TRIM37: variants seen among roughly 807,000 people sequenced by gnomAD.
TRIM37 encodes the protein tripartite motif containing 37.
TRIM37 carries 80 observed loss-of-function variants against 129.8 expected under a neutral mutation model. The ratio of observed to expected loss-of-function variants is 0.62; its 90% CI spans 0.51 to 0.74. TRIM37 has a LOEUF of 0.74. TRIM37 is among the 30% of genes least tolerant of loss of function. The pLI is 0.00. For synonymous variants in TRIM37, 389 were observed against 387.1 expected (o/e 1.00, Z -0.06); for missense variants, 1,054 against 1,176.5 (o/e 0.90, Z 1.52).
intron 13 of TRIM37, 136 bp from the exon 14 acceptor site, chr17:59,051,464 T>C (rs2040339504): frequency 4.3e-6 from 3 of 691,968 alleles, no homozygotes; most frequent in Non-Finnish European, 7.9e-6. Context: ...TAGTATTTGT[T>C]GTTTATAGAT....
At chr17:59,055,973 C>T (rs1195741189) in intron 13 of TRIM37, among the ~76,000 whole-genome samples, 1 of 152,152 alleles carries the variant, frequency 6.6e-6, no homozygotes, top group Non-Finnish European at 1.5e-5. Flanking sequence ...CGTCAACTTT[C>T]ATCTTGACTC....
intron 18 of TRIM37, among the ~76,000 whole-genome samples, chr17:59,030,120 T>A (rs889564694): frequency 2.3e-4 from 35 of 152,234 alleles, no homozygotes; most frequent in African/African-American, 2.4e-5. Flanking sequence ...AGTTCATTTT[T>A]TTTTTTCATG....
chr17:59,034,625 G>A (rs1408925631), intron 17 of TRIM37, among the ~76,000 whole-genome samples: 2 of 152,054 alleles, frequency 1.3e-5, no homozygotes, highest in East Asian at 3.9e-4. Context: ...CTCCGAAAGT[G>A]CTGGGATTAC....
chr17:59,046,303 G>A (rs1261541367), intron 16 of TRIM37, among the ~76,000 whole-genome samples: 4 of 152,096 alleles, frequency 2.6e-5, no homozygotes. Context: ...AAGAAACCTG[G>A]CGGATGCTAC....
intron 22 of TRIM37, among the ~76,000 whole-genome samples, chr17:59,002,364 A>AG (rs1312224531): frequency 1.3e-5 from 2 of 152,116 alleles, no homozygotes; most frequent in African/African-American, 2.4e-5. Context: ...CCTCCCAAGT[A>AG]GATAGGTCCA....
intron 11 of TRIM37, among the ~76,000 whole-genome samples, chr17:59,061,840 G>A (rs921533361): frequency 6.6e-6 from 1 of 151,934 alleles, no homozygotes; most frequent in Non-Finnish European, 1.5e-5. Context: ...TGACTACAGA[G>A]AGGTACAAGT....
In TRIM37 at chr17:59,084,107, A is replaced by C; in HGVS notation, c.282-18T>G. 1 of 1,584,470 alleles carries C rather than the reference A, an allele frequency of 6.3e-7. No homozygotes were observed. The highest frequency in any genetic ancestry group is 8.7e-7 in the Non-Finnish European group (1 of 1,154,768). On this transcript the variant is annotated intron_variant, in intron 4 of 23. Transcript: ENST00000262294. ...TTTCACATCTATACATTATGAAAAGAAAATGAAGTTATAAATTAAATTGGA... is the reference window on the plus strand; with the variant it reads ...TTTCACATCTATACATTATGAAAAGCAAATGAAGTTATAAATTAAATTGGA...
intron 17 of TRIM37, among the ~76,000 whole-genome samples, chr17:59,032,397 CG>C (rs1469594909): frequency 6.6e-6 from 1 of 151,036 alleles, no homozygotes; most frequent in Non-Finnish European, 1.5e-5. Context: ...CGGTGGCGGG[CG>C]CCTGTAGTCC....
chr17:59,032,231 A>G, intron 17 of TRIM37, 141 bp from the exon 18 acceptor site: 1 of 1,005,286 alleles, frequency 9.9e-7, no homozygotes, highest in Non-Finnish European at 1.5e-6. Context: ...AAGAAGCAGA[A>G]AGAAGGAACC....
chr17:59,088,620 G>A (rs768185656), intron 3 of TRIM37, among the ~76,000 whole-genome samples: 1 of 151,584 alleles, frequency 6.6e-6, no homozygotes, highest in Non-Finnish European at 1.5e-5. Context: ...AGGCTCAAGC[G>A]ATCCTCCTGC....
rs540442869 is a variant in TRIM37, at chr17:59,007,099, C to T, written c.2695+5229G>A. 4.0e-4 allele frequency among the ~76,000 whole-genome samples: 61 copies of T among 150,684 alleles called. 1 individual carries two copies. In the South Asian group the frequency reaches 6.4e-3, roughly 16 times the overall value. On this transcript the variant is annotated intron_variant, in intron 22 of 23. Transcript: ENST00000262294. ...AAACATCTTACCGCCCTGAGAAGAG[C>T]TAAGCCTCTCACTCAGAATAGCAGG...
rs755908500 is a variant in TRIM37 at position 59,075,729 on chromosome 17, TGA to T, written c.617-17_617-16del. 1 of 1,585,554 alleles carries T rather than the reference TGA, an allele frequency of 6.3e-7. No individual in the cohort carries two copies. Among genetic ancestry groups the T allele is most frequent in the Admixed American group, 1.7e-5 (1 of 59,960 alleles). On this transcript the variant is annotated splice_polypyrimidine_tract_variant and intron_variant, in intron 7 of 23. Coordinates refer to ENST00000262294, the MANE Select transcript of TRIM37 (RefSeq NM_015294.6). ...TGTCTTCTGACCTGATGAAAAATAG[TGA>T]ATCATCAACACTTGGGTTCATTATT... is the stretch of plus-strand genomic sequence containing the variant.
downstream of TRIM37, among the ~76,000 whole-genome samples, chr17:58,995,960 C>T (rs576609137): frequency 2.3e-4 from 35 of 151,804 alleles, no homozygotes; most frequent in Non-Finnish European, 4.3e-4. Flanking sequence ...GAGCCAACAT[C>T]GCACCACTAC....
At chr17:59,009,113 C>T (rs2034914352) in intron 22 of TRIM37, among the ~76,000 whole-genome samples, 1 of 152,026 alleles carries the variant, frequency 6.6e-6, no homozygotes, top group African/African-American at 2.4e-5. Flanking sequence ...CTAGCTCTTC[C>T]AAGTTCTTTT....
At chr17:59,041,945 C>T (rs781662094) in intron 16 of TRIM37, 47 bp from the exon 17 acceptor site, 19 of 1,421,558 alleles carry the variant, frequency 1.3e-5, no homozygotes, top group Middle Eastern at 3.6e-4. Flanking sequence ...ATACAATAAA[C>T]GTTGTTTTTC....
intron 22 of TRIM37, among the ~76,000 whole-genome samples, chr17:59,011,556 T>C (rs1235422883): frequency 6.6e-6 from 1 of 152,174 alleles, no homozygotes; most frequent in African/African-American, 2.4e-5. Context: ...CCAAATATCA[T>C]TAAGAGAGTT....
At chr17:58,982,921 T>C in exon 25 of TRIM37, 1 of 1,577,366 alleles carries the variant, frequency 6.3e-7, no homozygotes, top group Non-Finnish European at 8.6e-7. Context: ...AATCAAATTA[T>C]CTAAGAAAAC....
chr17:59,046,570 A>T (rs1599136035), intron 16 of TRIM37, among the ~76,000 whole-genome samples: 5 of 148,322 alleles, frequency 3.4e-5, no homozygotes, highest in East Asian at 2.1e-4. Flanking sequence ...CAGAGTCTCA[A>T]CTGTCGCCCA....
chr17:58,999,552 A>C, intron 23 of TRIM37, 93 bp from the exon 24 acceptor site: 3 of 1,054,836 alleles, frequency 2.8e-6, no homozygotes, highest in Non-Finnish European at 4.1e-6. Context: ...ATCTTACCAA[A>C]TGTGTTATTT....
Sources: allele counts gnomAD v4.1 joint callset (sites outside exome capture counted in the v4.1 genomes callset), GRCh38; gene constraint gnomAD v4.1.1; transcripts MANE v1.5; gene names NCBI Gene and HGNC (gene_info 2026-07-23, HGNC 2026-07-21).